Variants in PDE8B observed in about 807,000 individuals in gnomAD.
The protein encoded by PDE8B is phosphodiesterase 8B.
Under a neutral mutation model 101.3 loss-of-function variants are expected in PDE8B, and 26 were observed. That is an observed-to-expected ratio of 0.26 (90% CI 0.19 to 0.36). The LOEUF is 0.36. Among genes scored for constraint, PDE8B ranks in the 10% least tolerant of loss-of-function variants. The probability of loss-of-function intolerance (pLI) is 1.00; values close to 1 mark genes in which losing one functional copy is unlikely to be tolerated. For missense variants in PDE8B, 810 were observed against 1,163.1 expected (o/e 0.70, Z 4.42); for synonymous variants, 424 against 429.3 (o/e 0.99, Z 0.15).
intron 1 of PDE8B, among the ~76,000 whole-genome samples, chr5:77,228,761 A>C (rs1010894934): frequency 6.6e-6 from 1 of 152,154 alleles, no homozygotes; most frequent in Non-Finnish European, 1.5e-5. Context: ...AGACTTTATC[A>C]AGGTGATCAC....
intron 7 of PDE8B, among the ~76,000 whole-genome samples, chr5:77,349,142 T>C (rs967959124): frequency 1.3e-5 from 2 of 152,192 alleles, no homozygotes; most frequent in African/African-American, 2.4e-5. Flanking sequence ...CCTGTGTTTT[T>C]CCTGCTGAAG....
intron 6 of PDE8B, among the ~76,000 whole-genome samples, chr5:77,339,705 C>T (rs1311654179): frequency 4.0e-5 from 6 of 151,840 alleles, no homozygotes; most frequent in Non-Finnish European, 8.8e-5. Flanking sequence ...CCTACAATTC[C>T]GCCCCCAGCT....
upstream of PDE8B, among the ~76,000 whole-genome samples, chr5:77,209,271 G>A (rs973860705): frequency 2.0e-5 from 3 of 152,018 alleles, no homozygotes; most frequent in African/African-American, 7.3e-5. Flanking sequence ...GATTGGGAAT[G>A]ATATCTTGCT....
the PDE8B span, among the ~76,000 whole-genome samples, chr5:77,198,436 C>G: frequency 2.0e-5 from 3 of 152,064 alleles, no homozygotes; most frequent in South Asian, 6.2e-4. Flanking sequence ...TAAGTATTTC[C>G]TTCTTTCTGA....
the PDE8B span, among the ~76,000 whole-genome samples, chr5:77,200,331 T>C: frequency 6.6e-6 from 1 of 152,188 alleles, no homozygotes; most frequent in African/African-American, 2.4e-5. Flanking sequence ...GGATCACGAA[T>C]AAAAATTTGC....
intron 1 of PDE8B, among the ~76,000 whole-genome samples, chr5:77,226,315 A>G (rs549230020): frequency 6.6e-6 from 1 of 152,350 alleles, no homozygotes; most frequent in Middle Eastern, 3.4e-3. Flanking sequence ...TAAAATACAC[A>G]TTAACATATG....
chr5:77,123,080 A>C, the PDE8B span, among the ~76,000 whole-genome samples: 6 of 152,320 alleles, frequency 3.9e-5, no homozygotes, highest in Non-Finnish European at 7.3e-5. Flanking sequence ...TTCTGTTGTT[A>C]TAACCAAATA....
intron 1 of PDE8B, among the ~76,000 whole-genome samples, chr5:77,275,576 G>A (rs1763693094): frequency 6.6e-6 from 1 of 152,188 alleles, no homozygotes; most frequent in African/African-American, 2.4e-5. Context: ...ATTATCTTGT[G>A]ACTCAACTAA....
chr5:77,214,115 G>C (rs1749119341), intron 1 of PDE8B: 1 of 152,124 alleles, frequency 6.6e-6, no homozygotes, highest in African/African-American at 2.4e-5. Flanking sequence ...GTTCACTCTT[G>C]ATATTGTGCC....
chr5:77,254,809 A>G (rs1430863905), intron 1 of PDE8B, among the ~76,000 whole-genome samples: 1 of 152,166 alleles, frequency 6.6e-6, no homozygotes, highest in Non-Finnish European at 1.5e-5. Flanking sequence ...GTAATAGCAG[A>G]TGCTTCTGTA....
intron 1 of PDE8B, among the ~76,000 whole-genome samples, chr5:77,305,489 G>A (rs1239363526): frequency 1.3e-5 from 2 of 152,184 alleles, no homozygotes; most frequent in Non-Finnish European, 2.9e-5. Context: ...GGAAGAGAGT[G>A]TTCTGGGTGT....
chr5:77,225,599 G>A (rs192718987), intron 1 of PDE8B, among the ~76,000 whole-genome samples: 24 of 152,158 alleles, frequency 1.6e-4, no homozygotes, highest in African/African-American at 5.3e-4. Flanking sequence ...ATGATCTCGG[G>A]TGTTCATTGC....
intron 1 of PDE8B, among the ~76,000 whole-genome samples, chr5:77,248,675 C>T (rs1253461905): frequency 5.3e-5 from 8 of 152,154 alleles, no homozygotes; most frequent in Non-Finnish European, 2.9e-5. Flanking sequence ...TCTACTTATG[C>T]CAGAAAACCT....
At chr5:77,248,970 C>G (rs1029765896) in intron 1 of PDE8B, among the ~76,000 whole-genome samples, 53 of 152,242 alleles carry the variant, frequency 3.5e-4, no homozygotes, top group African/African-American at 1.3e-3. Flanking sequence ...GGAACCAACC[C>G]TGCCAGACCT....
At position 77,411,778 on chromosome 5, in the gene PDE8B, C is replaced by T. The variant is rs182301025; in HGVS notation, c.1576+57C>T. On this transcript the variant is annotated intron_variant, in intron 15 of 21. Transcript: ENST00000264917. The stretch of plus-strand genomic sequence containing the variant: ...ACCTGTCTCCAGCCTGTGCTGTCCC[C>T]GCTGTTGCGATTATTGTTCTGGGAG... The T allele has an allele frequency of 1.0e-3, 1,355 of 1,311,880 alleles. 1 individual carries two copies. The highest frequency in any genetic ancestry group is 1.4e-3 in the Non-Finnish European group (1,256 of 904,358). 81.3% of individuals were successfully genotyped at this position (1,311,880 alleles called of 1,614,324 possible).
At chr5:77,384,028 T>C (rs1299835108) in intron 10 of PDE8B, among the ~76,000 whole-genome samples, 1 of 152,192 alleles carries the variant, frequency 6.6e-6, no homozygotes, top group African/African-American at 2.4e-5. Context: ...AGAAAGTCAA[T>C]GGTAGCTTGA....
chr5:77,418,481 T>C, intron 18 of PDE8B, 35 bp downstream of exon 18: 1 of 1,506,048 alleles, frequency 6.6e-7, no homozygotes, highest in South Asian at 1.2e-5. Flanking sequence ...CTCAAGTTTG[T>C]GAAGTTTAAG....
Position 77,312,070 on chromosome 5 carries a change from C to A in PDE8B, c.399+17C>A. 1.3e-6 allele frequency: 2 copies of A among 1,555,728 alleles called. No homozygotes were observed. The highest frequency in any genetic ancestry group is 1.8e-6 in the Non-Finnish European group (2 of 1,127,122). The stretch of plus-strand genomic sequence containing the variant: ...CCTATTCAGGTACGCCTCCTTTACT[C>A]AGCCCTGTGACTCAGATTATTTTCT... On this transcript the variant is annotated intron_variant, in intron 2 of 21. Transcript: ENST00000264917.
At chr5:77,187,984 T>A in the PDE8B span, among the ~76,000 whole-genome samples, 3 of 152,220 alleles carry the variant, frequency 2.0e-5, no homozygotes, top group Non-Finnish European at 4.4e-5. Context: ...ATTGTATACA[T>A]GTTTAAGAGG....
Sources: allele counts gnomAD v4.1 joint callset (sites outside exome capture counted in the v4.1 genomes callset), GRCh38; gene constraint gnomAD v4.1.1; transcripts MANE v1.5; gene names NCBI Gene and HGNC (gene_info 2026-07-23, HGNC 2026-07-21).